PIGG: variants seen among roughly 807,000 people sequenced by gnomAD.
PIGG encodes phosphatidylinositol glycan anchor biosynthesis class G (EMM blood group).
Under a neutral mutation model 83.2 loss-of-function variants are expected in PIGG, and 70 were observed. The observed-to-expected ratio is 0.84, with a 90% CI of 0.69 to 1.03. The LOEUF (loss-of-function observed/expected upper bound fraction) is 1.03, where lower values mean the gene tolerates loss of function less well. PIGG is among the 50% of genes least tolerant of loss of function. The probability of loss-of-function intolerance (pLI) is 0.00; values close to 1 mark genes in which losing one functional copy is unlikely to be tolerated. For missense variants in PIGG, 1,257 were observed against 1,233.6 expected, an observed-to-expected ratio of 1.02 and a Z score of -0.28; for synonymous variants, 532 against 519.5, an observed-to-expected ratio of 1.02 and a Z score of -0.33.
rs201141197 is a variant in PIGG at position 539,399 on chromosome 4, T to A, written c.*30T>A. The A allele has an allele frequency of 5.0e-5, 65 of 1,302,038 alleles. No individual in the cohort carries two copies. In the African/African-American group the frequency reaches 8.9e-4, roughly 18 times the overall value. The allele number at this position is 1,302,038 out of a possible 1,614,324, so 80.7% of individuals were successfully genotyped here. A position where few individuals can be genotyped will look rare whatever the true frequency, so the allele number is the denominator to read the frequency against. On this transcript the variant is annotated 3_prime_UTR_variant, in exon 13 of 13. Coordinates refer to ENST00000453061, the MANE Select transcript of PIGG (RefSeq NM_001127178.3). ...AGCTGAACACTGGAAAAATAATACA[T>A]GCTTAAAGTCTGCTGTTATTCTAAA... is the stretch of plus-strand genomic sequence containing the variant.
chr4:513,386 T>A (rs1011565638), intron 5 of PIGG, among the ~76,000 whole-genome samples: 2 of 152,204 alleles, frequency 1.3e-5, no homozygotes, highest in Non-Finnish European at 2.9e-5. Context: ...GATTGTGTAG[T>A]GAGTGACTTC....
rs762547538 is a variant in PIGG at position 521,736 on chromosome 4, C to T, written c.1409C>T (p.Pro470Leu). ...KAELEVPLSS[P>L]GFSLLFYLVI... Reference sequence around the variant, plus strand: ...GAGCTGGAAGTCCCACTGTCATCTCCTGGGTTTTCTCTGCTCTTTTATTTG... The same window carrying T: ...GAGCTGGAAGTCCCACTGTCATCTCTTGGGTTTTCTCTGCTCTTTTATTTG... The change falls in exon 8 of 13, where the codon CCT becomes CTT. Residue 470 changes from proline to leucine, a missense_variant. Transcript: ENST00000453061. 3 of 1,614,184 alleles carry T rather than the reference C, an allele frequency of 1.9e-6. No homozygotes were observed. In the South Asian group the frequency reaches 3.3e-5, roughly 18 times the overall value.
intron 8 of PIGG, 127 bp downstream of exon 8, chr4:522,068 C>A: frequency 2.0e-6 from 2 of 1,011,894 alleles, no homozygotes; most frequent in Non-Finnish European, 3.0e-6. Context: ...GCTGGCAGTG[C>A]CCTGGACAGG....
intron 5 of PIGG, among the ~76,000 whole-genome samples, chr4:512,958 C>T (rs1007212367): frequency 1.3e-5 from 2 of 152,102 alleles, no homozygotes; most frequent in Non-Finnish European, 2.9e-5. Flanking sequence ...ATCGTATAAC[C>T]AACCCTCCTT....
At chr4:532,678 AAAGG>A (rs1343970996) in intron 11 of PIGG, 1 of 152,478 alleles carries the variant, frequency 6.6e-6, no homozygotes, top group Non-Finnish European at 1.5e-5. Flanking sequence ...CTCTGCATGG[AAAGG>A]GAGGAAGGAG....
rs920158369 is a variant in PIGG, at chr4:523,957, C to T, written c.2069+44C>T. 37 of 1,237,016 alleles carry T rather than the reference C, an allele frequency of 3.0e-5. No homozygotes were observed. In the African/African-American group the frequency reaches 4.5e-4, roughly 15 times the overall value. The allele number at this position is 1,237,016 out of a possible 1,614,324, so 76.6% of individuals were successfully genotyped here. A position where few individuals can be genotyped will look rare whatever the true frequency, so the allele number is the denominator to read the frequency against. On this transcript the variant is annotated intron_variant, in intron 9 of 12. Coordinates refer to ENST00000453061, the MANE Select transcript of PIGG (RefSeq NM_001127178.3). ...GGCCACAGGCCAGACTTTCTACGGC[C>T]GATTGGTCACCTGCCAAGCTCTTCT...
chr4:533,942 C>T lies in PIGG; in HGVS notation c.2696C>T (p.Ala899Val), dbSNP rs766018793. 6.2e-7 allele frequency: 1 copy of T among 1,614,210 alleles called. No homozygotes were observed. Among genetic ancestry groups the T allele is most frequent in the Non-Finnish European group, 8.5e-7 (1 of 1,180,014 alleles). Residue 899 changes from alanine to valine, a missense_variant, in exon 12 of 13, where the codon GCC (alanine) becomes GTC (valine). By Grantham distance (64) the Ala-to-Val change is moderately conservative. Transcript: ENST00000453061. ...FGTYAGPVLW[A>V]SHLVHFLSSE... The stretch of plus-strand genomic sequence containing the variant: ...ACGTACGCAGGGCCTGTGCTGTGGG[C>T]CAGCCACTTAGTGCACTTCCTGAGC...
chr4:507,344 C>A, intron 3 of PIGG, 61 bp from the exon 4 acceptor site: 1 of 1,331,036 alleles, frequency 7.5e-7, no homozygotes, highest in South Asian at 1.4e-5. Context: ...GCGTTTTCCC[C>A]GGGGAGTGAA....
At chr4:508,759 A>G in intron 4 of PIGG, 70 bp from the exon 5 acceptor site, 1 of 1,456,136 alleles carries the variant, frequency 6.9e-7, no homozygotes, top group Non-Finnish European at 9.5e-7. Context: ...AAAACCGAAA[A>G]TTGTCTTCTT....
chr4:523,257 C>G (rs1441464325), intron 8 of PIGG, among the ~76,000 whole-genome samples: 2 of 152,236 alleles, frequency 1.3e-5, no homozygotes, highest in Non-Finnish European at 2.9e-5. Flanking sequence ...GGCGTCTCCA[C>G]TCCTGCAGGC....
chr4:535,826 G>T (rs892654686), intron 12 of PIGG, among the ~76,000 whole-genome samples: 1 of 152,208 alleles, frequency 6.6e-6, no homozygotes, highest in African/African-American at 2.4e-5. Flanking sequence ...CTCCACGCAG[G>T]TCCTCTCCCC....
At chr4:522,719 A>T (rs1484939479) in intron 8 of PIGG, 1 of 154,588 alleles carries the variant, frequency 6.5e-6, no homozygotes, top group Non-Finnish European at 1.4e-5. Flanking sequence ...AGCCAGGATG[A>T]TCTGTGCCAC....
intron 2 of PIGG, among the ~76,000 whole-genome samples, chr4:504,167 G>C (rs949520663): frequency 1.3e-5 from 2 of 152,180 alleles, no homozygotes; most frequent in African/African-American, 2.4e-5. Flanking sequence ...TGCGGCAACT[G>C]ATGTTTTGAC....
intron 9 of PIGG, 84 bp from the exon 10 acceptor site, chr4:526,955 T>TA: frequency 6.9e-7 from 1 of 1,447,382 alleles, no homozygotes; most frequent in Non-Finnish European, 9.4e-7. Context: ...TATTTTTTAA[T>TA]ACCGTTCTTT....
At chr4:511,814 A>G (rs543016292) in intron 5 of PIGG, among the ~76,000 whole-genome samples, 1 of 152,316 alleles carries the variant, frequency 6.6e-6, no homozygotes, top group East Asian at 1.9e-4. Flanking sequence ...TGTTTTAGAA[A>G]ATATCCGGGA....
At chr4:499,683 C>G (rs1205690380) in intron 1 of PIGG, 194 bp downstream of exon 1, 6 of 1,404,580 alleles carry the variant, frequency 4.3e-6, no homozygotes, top group Non-Finnish European at 5.5e-6. Context: ...TGGCAACCAC[C>G]TCTACTGGCC....
Position 533,662 on chromosome 4 carries a change from G to A in PIGG, c.2572-156G>A, listed in dbSNP as rs769609111. 9.1e-5 allele frequency: 61 copies of A among 668,776 alleles called. 2 individuals carry two copies. The highest frequency in any genetic ancestry group is 3.3e-4 in the Middle Eastern group (1 of 3,036). The allele number at this position is 668,776 out of a possible 1,614,324, so 41.4% of individuals were successfully genotyped here. On this transcript the variant is annotated intron_variant, in intron 11 of 12. Transcript: ENST00000453061. The stretch of plus-strand genomic sequence containing the variant: ...GGCCAGCTCGGCAGTCTGAAGGAAC[G>A]GCTGGGCAGCCACCTCTGACCACAC...
At position 499,277 on chromosome 4, in the gene PIGG, C is replaced by T; in HGVS notation, c.-59C>T. Reference sequence around the variant, plus strand: ...CGGCTACCTGGAGCCGGAAGCGCGGCTGCAGCAGGGCGAGGCTCCAGGTGG... The same window carrying T: ...CGGCTACCTGGAGCCGGAAGCGCGGTTGCAGCAGGGCGAGGCTCCAGGTGG... On this transcript the variant is annotated 5_prime_UTR_variant, in exon 1 of 13. Transcript: ENST00000453061. 1 of 1,569,608 alleles carries T rather than the reference C, an allele frequency of 6.4e-7. No homozygotes were observed. Among genetic ancestry groups the T allele is most frequent in the Non-Finnish European group, 8.6e-7 (1 of 1,161,024 alleles).
In PIGG at chr4:521,868, T is replaced by C. The variant is rs1726014679; in HGVS notation, c.1541T>C (p.Leu514Pro). The change falls in exon 8 of 13, where the codon CTG (leucine) becomes CCG (proline). Residue 514 changes from leucine (L) to proline (P), a missense_variant. Physicochemically the swap from Leu to Pro is moderately conservative, Grantham distance 98. Transcript: ENST00000453061. ...SWLAAGGVMV[L>P]ASALLCVIVS... ...CTGGCGGCAGGTGGGGTGATGGTGC[T>C]GGCCTCGGCGCTGCTGTGTGTGATT... The C allele has an allele frequency of 6.2e-7, 1 of 1,614,220 alleles. No individual in the cohort carries two copies. The highest frequency in any genetic ancestry group is 1.1e-5 in the South Asian group (1 of 91,086).
Sources: allele counts gnomAD v4.1 joint callset (sites outside exome capture counted in the v4.1 genomes callset), GRCh38; gene constraint gnomAD v4.1.1; transcripts MANE v1.5; gene names NCBI Gene and HGNC (gene_info 2026-07-23, HGNC 2026-07-21).